ISM1: variants seen among roughly 807,000 people sequenced by gnomAD.
The protein encoded by ISM1 is isthmin 1.
Under a neutral mutation model 46.3 loss-of-function variants are expected in ISM1, and 25 were observed. The ratio of observed to expected loss-of-function variants is 0.54; its 90% CI spans 0.39 to 0.75. ISM1 has a LOEUF of 0.75. Ranked by LOEUF, ISM1 falls within the 30% of genes least tolerant of loss-of-function variation. The pLI, the probability that ISM1 is intolerant of heterozygous loss-of-function variation, is 0.00. For synonymous variants in ISM1, 255 were observed against 256.7 expected, an observed-to-expected ratio of 0.99 and a Z score of 0.06; for missense variants, 536 against 625.4, an observed-to-expected ratio of 0.86 and a Z score of 1.52.
intron 1 of ISM1, among the ~76,000 whole-genome samples, chr20:13,225,627 T>A (rs909122546): frequency 2.6e-5 from 4 of 152,164 alleles, no homozygotes; most frequent in Non-Finnish European, 4.4e-5. Flanking sequence ...TTGAGTACAC[T>A]CTCCATATTG....
intron 3 of ISM1, among the ~76,000 whole-genome samples, chr20:13,287,929 G>A (rs2123306269): frequency 6.6e-6 from 1 of 152,306 alleles, no homozygotes; most frequent in East Asian, 1.9e-4. Context: ...GCTCCTGATG[G>A]CAACAGCTGC....
At chr20:13,268,337 C>T (rs1353852829) in intron 1 of ISM1, among the ~76,000 whole-genome samples, 15 of 143,474 alleles carry the variant, frequency 1.0e-4, no homozygotes, top group African/African-American at 1.3e-4. Flanking sequence ...TTCTCCTTCT[C>T]CTTCTTCTTC....
At chr20:13,300,965 A>T (rs142706470), downstream of ISM1, among the ~76,000 whole-genome samples, 598 of 152,380 alleles carry the variant, frequency 3.9e-3, 4 homozygotes, top group African/African-American at 0.014. Context: ...AATTACAATT[A>T]TAAGTAGAAC....
chr20:13,320,104 C>T, the ISM1 span, among the ~76,000 whole-genome samples: 1 of 152,174 alleles, frequency 6.6e-6, no homozygotes, highest in Non-Finnish European at 1.5e-5. Flanking sequence ...ACACCAGGGT[C>T]CCCTCCTGTG....
At chr20:13,270,403 C>T in intron 1 of ISM1, 101 bp from the exon 2 acceptor site, 1 of 1,329,142 alleles carries the variant, frequency 7.5e-7, no homozygotes, top group Non-Finnish European at 1.0e-6. Flanking sequence ...TAATTTCAGC[C>T]ACTGGAATTG....
chr20:13,250,204 G>A (rs573213762), intron 1 of ISM1, among the ~76,000 whole-genome samples: 7 of 152,244 alleles, frequency 4.6e-5, no homozygotes, highest in Non-Finnish European at 8.8e-5. Flanking sequence ...TTCTGGGATG[G>A]CCTAGGTTTC....
At chr20:13,274,079 A>T (rs62201514) in intron 2 of ISM1, among the ~76,000 whole-genome samples, 11 of 85,468 alleles carry the variant, frequency 1.3e-4, no homozygotes, top group East Asian at 3.5e-4. Context: ...GTGTGTGTGT[A>T]TGTGTGCATG....
At chr20:13,285,993 G>C (rs2123300010) in intron 3 of ISM1, among the ~76,000 whole-genome samples, 1 of 152,234 alleles carries the variant, frequency 6.6e-6, no homozygotes, top group African/African-American at 2.4e-5. Flanking sequence ...TGGCATCATT[G>C]GGTTATGTCT....
intron 1 of ISM1, among the ~76,000 whole-genome samples, chr20:13,266,863 T>C (rs2040048400): frequency 6.6e-6 from 1 of 152,180 alleles, no homozygotes; most frequent in Non-Finnish European, 1.5e-5. Context: ...CGTGGAATAC[T>C]CAGTGAGTGA....
rs903610236 is a variant in ISM1 at position 13,221,866 on chromosome 20, C to T, written c.90C>T (p.Ala30=). The T allele has an allele frequency of 6.3e-6, 9 of 1,418,512 alleles. No homozygotes were observed. The highest frequency in any genetic ancestry group is 8.2e-6 in the Non-Finnish European group (9 of 1,091,572). The allele number at this position is 1,418,512 out of a possible 1,614,324, so 87.9% of individuals were successfully genotyped here. A position where few individuals can be genotyped will look rare whatever the true frequency, so the allele number is the denominator to read the frequency against. ...HITVLRGSGA[A]DGPDAAAGNA... is the part of the protein sequence containing the mutation. ...CCGTGCTGCGCGGCTCGGGAGCCGC[C>T]GACGGGCCCGACGCGGCCGCGGGCA... Residue 30 remains alanine, a synonymous_variant, in exon 1 of 6, where the codon GCC becomes GCT. Transcript: ENST00000262487.
chr20:13,309,771 A>T, the ISM1 span, among the ~76,000 whole-genome samples: 1 of 152,032 alleles, frequency 6.6e-6, no homozygotes. Flanking sequence ...AAATTAACAT[A>T]AAAAAATCAG....
intron 1 of ISM1, among the ~76,000 whole-genome samples, chr20:13,237,203 A>C (rs1344932394): frequency 1.3e-5 from 2 of 152,224 alleles, no homozygotes; most frequent in Non-Finnish European, 2.9e-5. Context: ...CACAGCCAAC[A>C]TATCAACATG....
chr20:13,257,023 T>TGAGAGAAGAGAATAATAAAGAG lies in ISM1; in HGVS notation c.139-13476_139-13455dup, dbSNP rs1458223737. On this transcript the variant is annotated intron_variant, in intron 1 of 5. Transcript: ENST00000262487. ...GAAAGTGAGTGCTAGAAAAGTCTAA[T>TGAGAGAAGAGAATAATAAAGAG]GAGAGAAGAGAATAATAAAGAGGAG... Among the ~76,000 whole-genome samples the TGAGAGAAGAGAATAATAAAGAG allele has an allele frequency of 3.0e-4, 45 of 152,134 alleles. No homozygotes were observed. In the East Asian group the frequency reaches 7.1e-3, roughly 24 times the overall value.
chr20:13,270,871 T>C (rs2040107027), intron 2 of ISM1, 128 bp downstream of exon 2: 3 of 820,472 alleles, frequency 3.7e-6, no homozygotes, highest in Non-Finnish European at 3.9e-6. Flanking sequence ...CTGCTTAAGA[T>C]CATGTTATCT....
At chr20:13,319,357 T>C in the ISM1 span, among the ~76,000 whole-genome samples, 3 of 152,306 alleles carry the variant, frequency 2.0e-5, no homozygotes, top group African/African-American at 7.2e-5. Context: ...TTTCTACTGC[T>C]AATCAGAAAC....
At chr20:13,301,448 CA>C (rs1247180667), downstream of ISM1, among the ~76,000 whole-genome samples, 6 of 152,146 alleles carry the variant, frequency 3.9e-5, no homozygotes, top group Admixed American at 2.6e-4. Context: ...CTTGGCCTCC[CA>C]AAGCACTGGG....
chr20:13,222,026 A>G, intron 1 of ISM1, 112 bp downstream of exon 1: 1 of 1,035,012 alleles, frequency 9.7e-7, no homozygotes, highest in Non-Finnish European at 1.3e-6. Flanking sequence ...GCCCCACCTA[A>G]GAGCAACTGT....
Position 13,245,259 on chromosome 20 carries a change from T to C in ISM1, c.138+23345T>C, listed in dbSNP as rs575597395. ...CAGCTTACCTGGATCCCTTGGCCCATGGTCTCTCACAGGCTACAGTAAAGG... is the reference window on the plus strand; with the variant it reads ...CAGCTTACCTGGATCCCTTGGCCCACGGTCTCTCACAGGCTACAGTAAAGG... On this transcript the variant is annotated intron_variant, in intron 1 of 5. Coordinates refer to ENST00000262487, the MANE Select transcript of ISM1 (RefSeq NM_080826.2). The C allele has an allele frequency of 4.6e-5, 7 of 152,346 alleles. No homozygotes were observed. In the South Asian group the frequency reaches 1.5e-3, roughly 32 times the overall value. 9.4% of individuals were successfully genotyped at this position (152,346 alleles called of 1,614,324 possible).
intron 1 of ISM1, among the ~76,000 whole-genome samples, chr20:13,261,928 C>G (rs927222514): frequency 6.6e-6 from 1 of 152,198 alleles, no homozygotes; most frequent in Non-Finnish European, 1.5e-5. Flanking sequence ...GGCCTTATAT[C>G]CCCTCATTCT....
Sources: allele counts gnomAD v4.1 joint callset (sites outside exome capture counted in the v4.1 genomes callset), GRCh38; gene constraint gnomAD v4.1.1; transcripts MANE v1.5; gene names NCBI Gene and HGNC (gene_info 2026-07-23, HGNC 2026-07-21).